Variants in SULT1C3 observed in about 807,000 individuals in gnomAD.
The protein encoded by SULT1C3 is sulfotransferase 1C3.
SULT1C3 carries 31 observed loss-of-function variants against 28.4 expected under a neutral mutation model. The ratio of observed to expected loss-of-function variants is 1.09; its 90% CI spans 0.82 to 1.47. The LOEUF (loss-of-function observed/expected upper bound fraction) is 1.47, where lower values mean the gene tolerates loss of function less well. Among genes scored for constraint, SULT1C3 ranks in the 40% most tolerant of loss-of-function variants. The pLI, the probability that SULT1C3 is intolerant of heterozygous loss-of-function variation, is 0.00. For synonymous variants in SULT1C3, 106 were observed against 92.2 expected (o/e 1.15, Z -0.86); for missense variants, 307 against 272.5 (o/e 1.13, Z -0.89).
intron 2 of SULT1C3, among the ~76,000 whole-genome samples, chr2:108,249,820 T>C (rs1270832169): frequency 6.6e-6 from 1 of 152,238 alleles, no homozygotes; most frequent in Non-Finnish European, 1.5e-5. Context: ...ACTGATTTCA[T>C]GACATTTAAC....
At chr2:108,246,436 A>G (rs1487447078) in intron 1 of SULT1C3, among the ~76,000 whole-genome samples, 2 of 152,186 alleles carry the variant, frequency 1.3e-5, no homozygotes, top group Non-Finnish European at 2.9e-5. Context: ...TCATGGTGGA[A>G]GGCAATGAAT....
downstream of SULT1C3, chr2:108,264,928 A>G: frequency 6.2e-7 from 1 of 1,614,024 alleles, no homozygotes. Flanking sequence ...GATGTAATGA[A>G]GCAAAACCCA....
intron 2 of SULT1C3, among the ~76,000 whole-genome samples, chr2:108,250,668 A>C (rs1255969966): frequency 6.6e-6 from 1 of 152,056 alleles, no homozygotes; most frequent in African/African-American, 2.4e-5. Flanking sequence ...ATTGTCATAT[A>C]AATGAATAAA....
rs185566570 is a variant in SULT1C3 at position 108,250,290 on chromosome 2, C to A, written c.173-2075C>A. Reference sequence around the variant, plus strand: ...ATGTAAAAATGTATCACCAAAAAAGCTTTACTATTAACCAATAAACACAAG... The same window carrying A: ...ATGTAAAAATGTATCACCAAAAAAGATTTACTATTAACCAATAAACACAAG... On this transcript the variant is annotated intron_variant, in intron 2 of 7. Transcript: ENST00000681802. Among the ~76,000 whole-genome samples, 474 of 151,876 alleles carry A rather than the reference C, an allele frequency of 3.1e-3. 3 individuals are homozygous for A. The highest frequency in any genetic ancestry group is 5.6e-3 in the Admixed American group (85 of 15,238).
At chr2:108,260,894 C>G (rs1376484475), downstream of SULT1C3, among the ~76,000 whole-genome samples, 1 of 152,112 alleles carries the variant, frequency 6.6e-6, no homozygotes, top group African/African-American at 2.4e-5. Context: ...GCAGAGTCCG[C>G]CTACATGAGT....
At chr2:108,246,590 A>C (rs758458947) in intron 1 of SULT1C3, among the ~76,000 whole-genome samples, 3 of 152,194 alleles carry the variant, frequency 2.0e-5, no homozygotes, top group Non-Finnish European at 4.4e-5. Flanking sequence ...ACATGGGTAC[A>C]AGAGAGTTTT....
intron 2 of SULT1C3, among the ~76,000 whole-genome samples, chr2:108,250,157 T>C (rs936485772): frequency 1.5e-4 from 23 of 151,384 alleles, no homozygotes; most frequent in Non-Finnish European, 2.7e-4. Context: ...ATATGTGACA[T>C]AGATGGAGAG....
At chr2:108,256,382 A>T (rs1252496142) in intron 5 of SULT1C3, among the ~76,000 whole-genome samples, 1 of 152,134 alleles carries the variant, frequency 6.6e-6, no homozygotes, top group African/African-American at 2.4e-5. Flanking sequence ...ATGGCTACAT[A>T]AAGTGATTTA....
intron 4 of SULT1C3, among the ~76,000 whole-genome samples, chr2:108,253,828 T>C (rs1285545330): frequency 6.6e-6 from 1 of 152,016 alleles, no homozygotes; most frequent in African/African-American, 2.4e-5. Context: ...GTATAGAATC[T>C]GCTCTTGTCA....
intron 1 of SULT1C3, among the ~76,000 whole-genome samples, chr2:108,241,304 AAAC>A (rs1206186374): frequency 6.6e-6 from 1 of 152,272 alleles, no homozygotes; most frequent in Non-Finnish European, 1.5e-5. Flanking sequence ...ACACTGATGC[AAAC>A]AACTATATTG....
In SULT1C3 at chr2:108,258,756, C is replaced by T; in HGVS notation, c.549C>T (p.Asp183=). The T allele has an allele frequency of 6.2e-7, 1 of 1,612,768 alleles. No individual in the cohort carries two copies. Residue 183 remains aspartate (D), a synonymous_variant, in exon 6 of 8, where the codon GAC becomes GAT. Coordinates refer to ENST00000681802, the MANE Select transcript of SULT1C3 (RefSeq NM_001320878.2). ...CAGTTGTTGGCGGGTCCTGGTTTGA[C>T]CATGTGAAAGGATGGTGGGCTGCAA... ...SGKVVGGSWF[D]HVKGWWAAKD... is the part of the protein sequence containing the mutation.
intron 2 of SULT1C3, 50 bp from the exon 3 acceptor site, chr2:108,252,315 A>G: frequency 2.0e-6 from 3 of 1,535,158 alleles, no homozygotes; most frequent in Non-Finnish European, 2.7e-6. Flanking sequence ...AATAACTTAG[A>G]ATGAAAGTTC....
downstream of SULT1C3, among the ~76,000 whole-genome samples, chr2:108,261,050 T>G (rs1400688921): frequency 1.3e-5 from 2 of 152,146 alleles, no homozygotes; most frequent in Non-Finnish European, 2.9e-5. Flanking sequence ...ACAAGCCCCA[T>G]TGTTAAGAGA....
At chr2:108,262,006 C>A (rs1676036613), downstream of SULT1C3, among the ~76,000 whole-genome samples, 1 of 152,090 alleles carries the variant, frequency 6.6e-6, no homozygotes. Context: ...AGAGGGGACC[C>A]TGGGGTGAAA....
intron 1 of SULT1C3, among the ~76,000 whole-genome samples, chr2:108,245,232 A>G (rs529025566): frequency 2.0e-5 from 3 of 152,280 alleles, no homozygotes; most frequent in South Asian, 4.1e-4. Context: ...CCTTAGTCAT[A>G]CTGTCCACAG....
chr2:108,262,246 A>G (rs527830974), downstream of SULT1C3, among the ~76,000 whole-genome samples: 17 of 152,262 alleles, frequency 1.1e-4, 1 homozygote, highest in South Asian at 3.3e-3. Flanking sequence ...AGAATCCACA[A>G]TGATTAGAAA....
chr2:108,264,956 T>C, downstream of SULT1C3: 1 of 1,613,838 alleles, frequency 6.2e-7, no homozygotes, highest in Non-Finnish European at 8.5e-7. Flanking sequence ...ACTATACCAC[T>C]TTGCCCACCA....
At chr2:108,242,096 C>G (rs942381021) in intron 1 of SULT1C3, among the ~76,000 whole-genome samples, 5 of 152,126 alleles carry the variant, frequency 3.3e-5, no homozygotes, top group African/African-American at 1.2e-4. Flanking sequence ...CAATATACAA[C>G]CTGGGAACAT....
At chr2:108,249,487 T>C (rs1675674204) in intron 2 of SULT1C3, among the ~76,000 whole-genome samples, 1 of 151,962 alleles carries the variant, frequency 6.6e-6, no homozygotes, top group Non-Finnish European at 1.5e-5. Context: ...CAACACACAG[T>C]TGGAATATGA....
Sources: gnomAD v4.1 joint callset for allele counts (sites outside exome capture counted in the v4.1 genomes callset) on GRCh38, gnomAD v4.1.1 for gene constraint, MANE v1.5 for transcripts, NCBI Gene and HGNC (gene_info 2026-07-23, HGNC 2026-07-21) for gene names.